Variants in DNAH3 observed in about 807,000 individuals in gnomAD.
DNAH3 encodes the protein dynein axonemal heavy chain 3, also known as axonemal beta dynein heavy chain 3.
DNAH3 carries 332 observed loss-of-function variants against 432.5 expected under a neutral mutation model. The ratio of observed to expected loss-of-function variants is 0.77; its 90% CI spans 0.70 to 0.84. The LOEUF (loss-of-function observed/expected upper bound fraction) is 0.84. Ranked by LOEUF, DNAH3 falls within the 40% of genes least tolerant of loss-of-function variation. DNAH3 has a pLI of 0.00. For synonymous variants in DNAH3, 1,956 were observed against 1,900.2 expected (o/e 1.03, Z -0.76); for missense variants, 4,861 against 5,114.0 (o/e 0.95, Z 1.51).
chr16:21,154,951 C>CT (rs772054168), intron 1 of DNAH3, among the ~76,000 whole-genome samples: 30,462 of 134,592 alleles, frequency 0.23, 3,507 homozygotes, highest in African/African-American at 0.25. Flanking sequence ...TTCTTTCTTT[C>CT]TTTTTTTTTT....
chr16:21,116,814 T>A (rs1001698088), intron 12 of DNAH3, among the ~76,000 whole-genome samples: 6 of 152,152 alleles, frequency 3.9e-5, no homozygotes, highest in African/African-American at 1.4e-4. Flanking sequence ...TATTTATAGG[T>A]TTCCCTGCAG....
At chr16:21,101,399 TATAA>T (rs773856086) in intron 16 of DNAH3, among the ~76,000 whole-genome samples, 6 of 152,312 alleles carry the variant, frequency 3.9e-5, no homozygotes, top group African/African-American at 1.2e-4. Context: ...ACATATTTCA[TATAA>T]ATAAATTCCT....
Position 20,991,035 on chromosome 16 carries a change from AAAAAC to A in DNAH3, c.6602-2975_6602-2971del, listed in dbSNP as rs549962445. ...GACTCTGTCTCAAAACAAACAAACA[AAAAAC>A]AAAACAAAACAAAAACAAAATAGAA... is the stretch of plus-strand genomic sequence containing the variant. On this transcript the variant is annotated intron_variant, in intron 44 of 61. Coordinates refer to ENST00000261383, the Ensembl canonical transcript of DNAH3. Among the ~76,000 whole-genome samples, 200 of 152,092 alleles carry A rather than the reference AAAAAC, an allele frequency of 1.3e-3. 1 individual carries two copies. The highest frequency in any genetic ancestry group is 3.7e-3 in the African/African-American group (154 of 41,486).
chr16:21,155,112 G>T (rs2092889717), intron 1 of DNAH3, among the ~76,000 whole-genome samples: 1 of 151,768 alleles, frequency 6.6e-6, no homozygotes, highest in Admixed American at 6.6e-5. Context: ...AACACACCTG[G>T]CTTATTTTTG....
chr16:20,992,339 AT>A (rs1482925192), intron 44 of DNAH3, among the ~76,000 whole-genome samples: 1 of 151,818 alleles, frequency 6.6e-6, no homozygotes, highest in Non-Finnish European at 1.5e-5. Flanking sequence ...CTTATTTCAT[AT>A]ATTTATTTTT....
intron 8 of DNAH3, among the ~76,000 whole-genome samples, chr16:21,127,102 AC>A (rs2092459410): frequency 6.6e-6 from 1 of 152,060 alleles, no homozygotes; most frequent in Non-Finnish European, 1.5e-5. Flanking sequence ...CTTCCACAAA[AC>A]CAGTCCCTGT....
intron 39 of DNAH3, among the ~76,000 whole-genome samples, chr16:21,022,494 G>A (rs897515093): frequency 6.6e-6 from 1 of 152,136 alleles, no homozygotes; most frequent in Non-Finnish European, 1.5e-5. Context: ...GTTAGACACT[G>A]GTGAGGTGGG....
exon 53 of DNAH3, chr16:20,964,562 C>T: frequency 6.2e-7 from 1 of 1,614,192 alleles, no homozygotes; most frequent in Admixed American, 1.7e-5. Flanking sequence ...TAGTTGCTAT[C>T]AGAGAACTTG....
chr16:20,986,275 C>T (rs1160506014), intron 47 of DNAH3, among the ~76,000 whole-genome samples: 1 of 151,864 alleles, frequency 6.6e-6, no homozygotes, highest in East Asian at 2.0e-4. Context: ...GAGGCCGAGG[C>T]AGAAGGATCA....
exon 40 of DNAH3, chr16:21,021,983 A>G (rs2088254034): frequency 6.2e-7 from 1 of 1,613,904 alleles, no homozygotes; most frequent in Non-Finnish European, 8.5e-7. Context: ...AGCAGAGAAG[A>G]GTACAGTCTC....
intron 52 of DNAH3, among the ~76,000 whole-genome samples, chr16:20,967,173 G>A (rs1216938666): frequency 6.6e-6 from 1 of 152,200 alleles, no homozygotes; most frequent in Non-Finnish European, 1.5e-5. Context: ...TGGCATTCTA[G>A]AAAATGATCT....
At chr16:21,157,239 T>C in intron 1 of DNAH3, among the ~76,000 whole-genome samples, 1 of 152,062 alleles carries the variant, frequency 6.6e-6, no homozygotes, top group East Asian at 1.9e-4. Flanking sequence ...CAAGCAAATA[T>C]TTTTGAGCCC....
intron 1 of DNAH3, 55 bp downstream of exon 1, chr16:21,150,696 C>T (rs1296359515): frequency 5.7e-6 from 1 of 176,976 alleles, no homozygotes; most frequent in African/African-American, 2.4e-5. Context: ...GAGTTCACTG[C>T]AGAGGAAAGA....
At chr16:20,952,509 C>T in exon 56 of DNAH3, 2 of 1,613,412 alleles carry the variant, frequency 1.2e-6, no homozygotes, top group Non-Finnish European at 1.7e-6. Flanking sequence ...ACATACTAAT[C>T]CTCAGGTCAG....
chr16:21,145,303 G>C (rs769017302), exon 3 of DNAH3: 1 of 1,614,160 alleles, frequency 6.2e-7, no homozygotes, highest in South Asian at 1.1e-5. Context: ...GTTGGCGATG[G>C]AATCACTGGG....
chr16:21,048,575 C>T (rs1357020300), intron 31 of DNAH3, among the ~76,000 whole-genome samples: 4 of 152,234 alleles, frequency 2.6e-5, no homozygotes, highest in Non-Finnish European at 5.9e-5. Context: ...CGCCCACTGT[C>T]TGGCACTCCC....
At chr16:21,021,350 G>C (rs534364590) in intron 40 of DNAH3, among the ~76,000 whole-genome samples, 2 of 152,272 alleles carry the variant, frequency 1.3e-5, no homozygotes, top group South Asian at 4.1e-4. Flanking sequence ...GTCCTGCTAT[G>C]TTCATCTCCC....
chr16:21,153,044 G>A (rs1319585657), intron 1 of DNAH3, among the ~76,000 whole-genome samples: 1 of 152,244 alleles, frequency 6.6e-6, no homozygotes, highest in East Asian at 1.9e-4. Context: ...GCCACTGGGT[G>A]AAGCCAGCTG....
intron 55 of DNAH3, among the ~76,000 whole-genome samples, chr16:20,952,786 G>A: frequency 6.6e-6 from 1 of 152,164 alleles, no homozygotes; most frequent in East Asian, 1.9e-4. Flanking sequence ...ATTTGTTAAG[G>A]AAGATGTTAA....
Sources: gnomAD v4.1 joint callset for allele counts (sites outside exome capture counted in the v4.1 genomes callset) on GRCh38, gnomAD v4.1.1 for gene constraint, MANE v1.5 for transcripts, NCBI Gene and HGNC (gene_info 2026-07-23, HGNC 2026-07-21) for gene names.